The following ACADSB variants were observed in gnomAD, a reference collection of about 807,000 sequenced individuals.
ACADSB encodes the protein acyl-CoA dehydrogenase short/branched chain.
Under a neutral mutation model 54.1 loss-of-function variants are expected in ACADSB, and 40 were observed. The observed-to-expected ratio is 0.74, with a 90% CI of 0.57 to 0.96. ACADSB has a LOEUF of 0.96. ACADSB is among the 40% of genes least tolerant of loss of function. The pLI is 0.00. For missense variants in ACADSB, 530 were observed against 510.4 expected (o/e 1.04, Z -0.37); for synonymous variants, 182 against 182.8 (o/e 1.00, Z 0.03).
intron 1 of ACADSB, among the ~76,000 whole-genome samples, chr10:123,027,998 T>C (rs1850277317): frequency 1.3e-5 from 2 of 152,206 alleles, no homozygotes; most frequent in Admixed American, 6.5e-5. Flanking sequence ...AAGTGTCCAC[T>C]TCTTATAATA....
chr10:123,038,796 A>G (rs1850433867), intron 3 of ACADSB, among the ~76,000 whole-genome samples: 1 of 152,190 alleles, frequency 6.6e-6, no homozygotes, highest in Admixed American at 6.5e-5. Context: ...AACTCTTAGG[A>G]AACTGGAATC....
Position 123,054,218 on chromosome 10 carries a change from GGT to G in ACADSB, c.*454_*455del, listed in dbSNP as rs1246653585. The stretch of plus-strand genomic sequence containing the variant: ...ATTTTTGTGTTTTTAGTAGAGATGG[GGT>G]TTTACCATATTGCCCAGGCTGGTCT... On this transcript the variant is annotated 3_prime_UTR_variant, in exon 11 of 11. Transcript: ENST00000358776. 4.6e-5 allele frequency: 8 copies of G among 172,908 alleles called. No individual in the cohort carries two copies. The East Asian group carries it at 1.0e-3, about 22-fold the overall frequency. 10.7% of individuals were successfully genotyped at this position (172,908 alleles called of 1,614,324 possible).
chr10:123,026,910 T>A (rs1850262156), intron 1 of ACADSB, among the ~76,000 whole-genome samples: 1 of 151,764 alleles, frequency 6.6e-6, no homozygotes, highest in Non-Finnish European at 1.5e-5. Context: ...GGTTGAGAAG[T>A]GGGCTGGATG....
At chr10:123,013,638 G>A (rs1368370201) in intron 1 of ACADSB, among the ~76,000 whole-genome samples, 1 of 152,224 alleles carries the variant, frequency 6.6e-6, no homozygotes, top group East Asian at 1.9e-4. Context: ...TGCAGGTCCC[G>A]GGGCCTGCCC....
intron 1 of ACADSB, chr10:123,027,593 G>GT (rs1280688053): frequency 4.4e-6 from 2 of 452,378 alleles, no homozygotes; most frequent in South Asian, 1.6e-5. Flanking sequence ...ATATGGAACT[G>GT]TAAGTCCAGT....
chr10:123,011,187 G>A (rs556127842), intron 1 of ACADSB, among the ~76,000 whole-genome samples: 2 of 152,300 alleles, frequency 1.3e-5, no homozygotes, highest in African/African-American at 2.4e-5. Flanking sequence ...CTATCCAGAG[G>A]CAAATGGAAA....
At chr10:123,043,695 G>A (rs1346341506) in intron 6 of ACADSB, among the ~76,000 whole-genome samples, 46 of 152,130 alleles carry the variant, frequency 3.0e-4, no homozygotes, top group Admixed American at 3.0e-3. Flanking sequence ...CATGGCTGTG[G>A]GGAGTGAGGG....
intron 1 of ACADSB, among the ~76,000 whole-genome samples, chr10:123,030,264 G>C (rs1412937432): frequency 6.6e-6 from 1 of 152,098 alleles, no homozygotes; most frequent in Non-Finnish European, 1.5e-5. Context: ...GGTGGCTCAC[G>C]CCAGTAATCC....
In ACADSB at chr10:123,053,920, T is replaced by C. The variant is rs1239123794; in HGVS notation, c.*155T>C. The C allele has an allele frequency of 1.8e-5, 13 of 730,860 alleles. No individual in the cohort carries two copies. The highest frequency in any genetic ancestry group is 1.1e-4 in the South Asian group (7 of 62,492). 45.3% of individuals were successfully genotyped at this position (730,860 alleles called of 1,614,324 possible). On this transcript the variant is annotated 3_prime_UTR_variant, in exon 11 of 11. Coordinates refer to ENST00000358776, the MANE Select transcript of ACADSB (RefSeq NM_001609.4). The stretch of plus-strand genomic sequence containing the variant: ...AGTCAGGGTCCTGGTGTTGGCCTTT[T>C]TGGTTTTCTCTTTTCAGGCTGTTTA...
intron 2 of ACADSB, among the ~76,000 whole-genome samples, chr10:123,035,700 A>C (rs1218289022): frequency 9.9e-5 from 15 of 152,104 alleles, no homozygotes. Flanking sequence ...GTCAGTACGC[A>C]GTTCTTTGCT....
At chr10:123,024,734 A>G (rs1000871145) in intron 1 of ACADSB, among the ~76,000 whole-genome samples, 1 of 152,228 alleles carries the variant, frequency 6.6e-6, no homozygotes, top group Non-Finnish European at 1.5e-5. Context: ...GCCGGGCCCA[A>G]GCAAGCAGCT....
rs1055494184 is a variant in ACADSB, at chr10:123,056,272, G to A, written c.*2507G>A. On this transcript the variant is annotated 3_prime_UTR_variant, in exon 11 of 11. Transcript: ENST00000358776. ...ATTGGACTTACAGTTCCACATGGCC[G>A]GGGAGGCCTCAGAATCATGGCGGGA... is the stretch of plus-strand genomic sequence containing the variant. The A allele has an allele frequency of 1.6e-4, 35 of 221,020 alleles. No individual in the cohort carries two copies. The highest frequency in any genetic ancestry group is 3.0e-4 in the East Asian group (2 of 6,652). 13.7% of individuals were successfully genotyped at this position (221,020 alleles called of 1,614,324 possible).
rs746639403 is a variant in ACADSB at position 123,034,480 on chromosome 10, C to T, written c.167C>T (p.Thr56Ile). Residue 56 changes from threonine (T) to isoleucine (I), a missense_variant, in exon 2 of 11, where the codon ACA becomes ATA. By Grantham distance (89) the Thr-to-Ile change is moderately conservative (BLOSUM62 -1). Coordinates refer to ENST00000358776, the MANE Select transcript of ACADSB (RefSeq NM_001609.4). ...NNGIHFAPLQTFTDEEMMIKS... is the reference protein window; with the variant it reads ...NNGIHFAPLQIFTDEEMMIKS... ...GGAATACACTTTGCTCCCCTGCAAA[C>T]ATTTACAGATGAGGAAATGATGATA... 2.5e-6 allele frequency: 4 copies of T among 1,611,810 alleles called. No individual in the cohort carries two copies. Among genetic ancestry groups the T allele is most frequent in the Admixed American group, 3.3e-5 (2 of 60,026 alleles).
At chr10:123,025,975 T>C (rs967020177) in intron 1 of ACADSB, among the ~76,000 whole-genome samples, 2 of 151,984 alleles carry the variant, frequency 1.3e-5, no homozygotes, top group African/African-American at 2.4e-5. Context: ...TCAGGAGAAT[T>C]GCTTGAACCC....
Position 123,055,743 on chromosome 10 carries a change from A to C in ACADSB, c.*1978A>C, listed in dbSNP as rs999915743. ...AATGGGAGAAATTGGCCAACACAAA[A>C]GGGTAACAGGGCCCATGCAAGTCCA... On this transcript the variant is annotated 3_prime_UTR_variant, in exon 11 of 11. Transcript: ENST00000358776. 6.6e-6 allele frequency: 1 copy of C among 152,138 alleles called. No individual in the cohort carries two copies. Among genetic ancestry groups the C allele is most frequent in the Non-Finnish European group, 1.5e-5 (1 of 68,034 alleles). The allele number at this position is 152,138 out of a possible 1,614,324, so 9.4% of individuals were successfully genotyped here. A position where few individuals can be genotyped will look rare whatever the true frequency, so the allele number is the denominator to read the frequency against.
At chr10:123,013,955 G>A (rs1228131422) in intron 1 of ACADSB, among the ~76,000 whole-genome samples, 1 of 152,238 alleles carries the variant, frequency 6.6e-6, no homozygotes, top group Non-Finnish European at 1.5e-5. Flanking sequence ...CTCCCACGGT[G>A]CAGCGGTGGG....
chr10:123,015,744 A>G (rs1850102724), intron 1 of ACADSB, among the ~76,000 whole-genome samples: 1 of 152,246 alleles, frequency 6.6e-6, no homozygotes, highest in Non-Finnish European at 1.5e-5. Context: ...GAAAGATTTC[A>G]ATAGCAGCCA....
At position 123,021,002 on chromosome 10, in the gene ACADSB, CAATA is replaced by C. The variant is rs769518375; in HGVS notation, c.42+11948_42+11951del. On this transcript the variant is annotated intron_variant, in intron 1 of 10. Transcript: ENST00000358776. The stretch of plus-strand genomic sequence containing the variant: ...TGGGTGACAGAGCAAAACTCCGTCT[CAATA>C]AATAAATAAATAAATACATACATAA... Among the ~76,000 whole-genome samples, 6 of 152,226 alleles carry C rather than the reference CAATA, an allele frequency of 3.9e-5. No homozygotes were observed. In the East Asian group the frequency reaches 5.8e-4, roughly 15 times the overall value.
chr10:123,041,970 T>C (rs1326855379), intron 5 of ACADSB, among the ~76,000 whole-genome samples: 2 of 150,070 alleles, frequency 1.3e-5, no homozygotes, highest in African/African-American at 2.4e-5. Context: ...TCTTTTCTTT[T>C]TTTTTTTTTT....
Sources: gnomAD v4.1 joint callset for allele counts (sites outside exome capture counted in the v4.1 genomes callset) on GRCh38, gnomAD v4.1.1 for gene constraint, MANE v1.5 for transcripts, NCBI Gene and HGNC (gene_info 2026-07-23, HGNC 2026-07-21) for gene names.